CHRM3: variants seen among roughly 807,000 people sequenced by gnomAD.
CHRM3 encodes muscarinic acetylcholine receptor M3.
A neutral mutation model predicts 41.8 loss-of-function variants in CHRM3; 11 were observed. The ratio of observed to expected loss-of-function variants is 0.26; its 90% CI spans 0.17 to 0.44. CHRM3 has a LOEUF of 0.44. CHRM3 is among the 20% of genes least tolerant of loss of function. The pLI is 1.00. For missense variants in CHRM3, 571 were observed against 745.4 expected, an observed-to-expected ratio of 0.77 and a Z score of 2.72; for synonymous variants, 297 against 301.4, an observed-to-expected ratio of 0.99 and a Z score of 0.15.
chr1:239,577,234 G>A (rs182091777), intron 3 of CHRM3, among the ~76,000 whole-genome samples: 8 of 150,922 alleles, frequency 5.3e-5, no homozygotes, highest in South Asian at 2.1e-4. Flanking sequence ...CCTTTCCTTC[G>A]TTTTTCTTTT....
intron 3 of CHRM3, among the ~76,000 whole-genome samples, chr1:239,572,661 G>A (rs1661936067): frequency 6.6e-6 from 1 of 152,110 alleles, no homozygotes; most frequent in Non-Finnish European, 1.5e-5. Flanking sequence ...TGTTCCCAAG[G>A]ATAACAGGGT....
intron 2 of CHRM3, among the ~76,000 whole-genome samples, chr1:239,526,938 T>C (rs1670034663): frequency 6.6e-6 from 1 of 152,014 alleles, no homozygotes; most frequent in Non-Finnish European, 1.5e-5. Context: ...CTGAGCAATA[T>C]AGGGAGACCC....
chr1:239,573,257 G>C (rs759232255), intron 3 of CHRM3, among the ~76,000 whole-genome samples: 18 of 152,002 alleles, frequency 1.2e-4, no homozygotes, highest in African/African-American at 3.6e-4. Context: ...TGCTATACCA[G>C]TTTGATATCC....
At chr1:239,464,816 C>T (rs1665606907) in intron 1 of CHRM3, among the ~76,000 whole-genome samples, 1 of 152,048 alleles carries the variant, frequency 6.6e-6, no homozygotes, top group South Asian at 2.1e-4. Context: ...CTGAGGTGGT[C>T]CTGTTCTCTT....
chr1:239,548,869 C>T (rs374437230), intron 3 of CHRM3, among the ~76,000 whole-genome samples: 36 of 152,288 alleles, frequency 2.4e-4, no homozygotes, highest in Middle Eastern at 3.4e-3. Context: ...CAAGGTTATG[C>T]GGTTGGAATG....
chr1:239,731,759 T>C (rs1478942554), intron 5 of CHRM3, among the ~76,000 whole-genome samples: 1 of 152,016 alleles, frequency 6.6e-6, no homozygotes, highest in East Asian at 1.9e-4. Context: ...TTGCCAACCA[T>C]TTATGATCTA....
intron 1 of CHRM3, among the ~76,000 whole-genome samples, chr1:239,452,633 C>G (rs564867705): frequency 1.1e-4 from 16 of 152,124 alleles, no homozygotes; most frequent in Non-Finnish European, 1.9e-4. Context: ...ATGAATGTGT[C>G]AAATTCGTTA....
chr1:239,727,826 C>T (rs1663586986), intron 5 of CHRM3: 1 of 151,878 alleles, frequency 6.6e-6, no homozygotes, highest in Non-Finnish European at 1.5e-5. Flanking sequence ...ATTAGACAAT[C>T]CTGGGACAAG....
chr1:239,529,536 C>T, intron 2 of CHRM3, among the ~76,000 whole-genome samples: 1 of 149,106 alleles, frequency 6.7e-6, no homozygotes. Context: ...CACTTGAACC[C>T]AGGAGGCGGA....
chr1:239,417,033 G>A (rs949982175), intron 1 of CHRM3, among the ~76,000 whole-genome samples: 1 of 152,156 alleles, frequency 6.6e-6, no homozygotes, highest in Non-Finnish European at 1.5e-5. Flanking sequence ...CCTGAAAAAT[G>A]ACAGCATCCC....
intron 1 of CHRM3, among the ~76,000 whole-genome samples, chr1:239,471,058 C>T (rs971898119): frequency 2.6e-5 from 4 of 152,152 alleles, no homozygotes; most frequent in Admixed American, 2.0e-4. Flanking sequence ...TTTATAGAAA[C>T]AAGATTTCCT....
chr1:239,876,701 G>A (rs1359482061), intron 6 of CHRM3, among the ~76,000 whole-genome samples: 1 of 152,194 alleles, frequency 6.6e-6, no homozygotes, highest in Non-Finnish European at 1.5e-5. Flanking sequence ...TCAATCACAT[G>A]CCTCAGAAGG....
intron 3 of CHRM3, among the ~76,000 whole-genome samples, chr1:239,554,137 C>T (rs1461317128): frequency 1.3e-5 from 2 of 152,060 alleles, no homozygotes; most frequent in African/African-American, 4.8e-5. Context: ...GATCCTCCCA[C>T]CTTTGCCTCC....
At chr1:239,554,506 A>G (rs888717544) in intron 3 of CHRM3, among the ~76,000 whole-genome samples, 1 of 152,032 alleles carries the variant, frequency 6.6e-6, no homozygotes, top group Non-Finnish European at 1.5e-5. Context: ...GCAGAAAAAG[A>G]GTGATCATTA....
At chr1:239,622,453 C>A (rs1196888842) in intron 3 of CHRM3, among the ~76,000 whole-genome samples, 7 of 152,158 alleles carry the variant, frequency 4.6e-5, no homozygotes, top group Admixed American at 4.6e-4. Flanking sequence ...TAAATACATT[C>A]ATGATTCTTG....
intron 6 of CHRM3, among the ~76,000 whole-genome samples, chr1:239,856,524 C>T (rs1225761428): frequency 6.6e-6 from 1 of 152,114 alleles, no homozygotes; most frequent in Non-Finnish European, 1.5e-5. Flanking sequence ...CCTTTCCAAC[C>T]ATGCTTCCCG....
intron 3 of CHRM3, among the ~76,000 whole-genome samples, chr1:239,594,096 A>G (rs1369428777): frequency 6.6e-6 from 1 of 152,096 alleles, no homozygotes; most frequent in East Asian, 1.9e-4. Flanking sequence ...GGTAGAAATT[A>G]TTTCTGTATT....
At chr1:239,556,612 G>T (rs1660378371) in intron 3 of CHRM3, among the ~76,000 whole-genome samples, 1 of 152,124 alleles carries the variant, frequency 6.6e-6, no homozygotes, top group Admixed American at 6.6e-5. Context: ...TAAAGCTCCA[G>T]TTCAATTCCG....
intron 5 of CHRM3, among the ~76,000 whole-genome samples, chr1:239,760,478 G>A (rs190705900): frequency 1.3e-5 from 2 of 149,450 alleles, no homozygotes; most frequent in East Asian, 3.9e-4. Flanking sequence ...TTGCCTGTTC[G>A]TCTACCTTTT....
Sources: gnomAD v4.1 joint callset for allele counts (sites outside exome capture counted in the v4.1 genomes callset) on GRCh38, gnomAD v4.1.1 for gene constraint, MANE v1.5 for transcripts, NCBI Gene and HGNC (gene_info 2026-07-23, HGNC 2026-07-21) for gene names.